PTAR1: variants seen among roughly 807,000 people sequenced by gnomAD.
The protein encoded by PTAR1 is protein prenyltransferase alpha subunit repeat containing 1.
Under a neutral mutation model 45.5 loss-of-function variants are expected in PTAR1, and 17 were observed. The ratio of observed to expected loss-of-function variants is 0.37; its 90% CI spans 0.26 to 0.56. PTAR1 has a LOEUF of 0.56. PTAR1 is among the 20% of genes least tolerant of loss of function. The pLI, the probability that PTAR1 is intolerant of heterozygous loss-of-function variation, is 0.77. For missense variants in PTAR1, 391 were observed against 476.3 expected (o/e 0.82, Z 1.67); for synonymous variants, 169 against 171.3 (o/e 0.99, Z 0.11).
At position 69,755,952 on chromosome 9, in the gene PTAR1, C is replaced by A. The variant is rs144780951; in HGVS notation, c.86+3901G>T. Among the ~76,000 whole-genome samples the A allele has an allele frequency of 4.7e-4, 72 of 152,124 alleles. 2 individuals carry two copies. In the East Asian group the frequency reaches 0.011, roughly 22 times the overall value. ...AATCTCATAAAGTAGGAATTTTGAC[C>A]CCATTTTACAGAGGAAGAGTCTTGT... On this transcript the variant is annotated intron_variant, in intron 1 of 7. Coordinates refer to ENST00000340434, the MANE Select transcript of PTAR1 (RefSeq NM_001099666.2).
At position 69,710,988 on chromosome 9, in the gene PTAR1, T is replaced by C. The variant is rs1588432479; in HGVS notation, c.*7354A>G. 2 of 152,114 alleles carry C rather than the reference T, an allele frequency of 1.3e-5. No homozygotes were observed. The highest frequency in any genetic ancestry group is 1.5e-5 in the Non-Finnish European group (1 of 68,024). 9.4% of individuals were successfully genotyped at this position (152,114 alleles called of 1,614,324 possible). A position where few individuals can be genotyped will look rare whatever the true frequency, so the allele number is the denominator to read the frequency against. Reference sequence around the variant, plus strand: ...CTTCTTTTAAATGAAAGCTCCTCCATGTTAAATTATGCAATTGACTAGTGT... The same window carrying C: ...CTTCTTTTAAATGAAAGCTCCTCCACGTTAAATTATGCAATTGACTAGTGT... On this transcript the variant is annotated 3_prime_UTR_variant, in exon 8 of 8. Transcript: ENST00000340434.
At chr9:69,728,714 A>G (rs1814045297) in intron 5 of PTAR1, among the ~76,000 whole-genome samples, 1 of 152,176 alleles carries the variant, frequency 6.6e-6, no homozygotes, top group African/African-American at 2.4e-5. Flanking sequence ...TTCCTGCCAC[A>G]CTACCCTCAA....
At chr9:69,721,287 G>A (rs1301888703) in intron 6 of PTAR1, among the ~76,000 whole-genome samples, 2 of 152,120 alleles carry the variant, frequency 1.3e-5, no homozygotes, top group Non-Finnish European at 2.9e-5. Flanking sequence ...CAAATGTGGT[G>A]GAAATTGCAA....
At chr9:69,720,588 C>A (rs1322820173) in intron 6 of PTAR1, among the ~76,000 whole-genome samples, 1 of 152,152 alleles carries the variant, frequency 6.6e-6, no homozygotes, top group Non-Finnish European at 1.5e-5. Context: ...AAGAGATTTG[C>A]AATGTAGATG....
At chr9:69,734,414 T>C in intron 3 of PTAR1, among the ~76,000 whole-genome samples, 160 bp from the exon 4 acceptor site, 1 of 152,000 alleles carries the variant, frequency 6.6e-6, no homozygotes, top group South Asian at 2.1e-4. Flanking sequence ...CTCTGGGATA[T>C]AAAACACTCA....
chr9:69,750,386 GT>G (rs1826469639), intron 2 of PTAR1, among the ~76,000 whole-genome samples: 2 of 151,904 alleles, frequency 1.3e-5, no homozygotes, highest in Non-Finnish European at 1.5e-5. Flanking sequence ...ATGAAAATGA[GT>G]TTTGCTGCCT....
intron 3 of PTAR1, among the ~76,000 whole-genome samples, chr9:69,740,620 C>A (rs76426243): frequency 6.7e-6 from 1 of 148,962 alleles, no homozygotes; most frequent in Non-Finnish European, 1.5e-5. Context: ...TATTATGTAC[C>A]GGCACTAGAG....
rs752964242 is a variant in PTAR1 at position 69,750,691 on chromosome 9, C to T, written c.256+90G>A. ...GAACAGAAGAAGCAGAACTAGAATC[C>T]AGGAATGCTGACACTCAGAGAAGGG... On this transcript the variant is annotated intron_variant, in intron 2 of 7. Transcript: ENST00000340434. The T allele has an allele frequency of 1.5e-4, 134 of 920,248 alleles. 2 individuals carry two copies. The highest frequency in any genetic ancestry group is 2.1e-4 in the Non-Finnish European group (130 of 632,414). The allele number at this position is 920,248 out of a possible 1,614,324, so 57.0% of individuals were successfully genotyped here. A position where few individuals can be genotyped will look rare whatever the true frequency, so the allele number is the denominator to read the frequency against.
chr9:69,723,554 C>T lies in PTAR1; in HGVS notation c.719G>A (p.Arg240His). Residue 240 changes from arginine to histidine, a missense_variant, in exon 6 of 8, where the codon CGC becomes CAC. Arg to His is a conservative substitution (Grantham distance 29). Coordinates refer to ENST00000340434, the MANE Select transcript of PTAR1 (RefSeq NM_001099666.2). ...HVSDHSGFHYRQFLLKSLISQ... is the reference protein window; with the variant it reads ...HVSDHSGFHYHQFLLKSLISQ... ...AATCAAAGACTTAAGCAAAAACTGG[C>T]GGTAGTGAAATCCACTGTGGTCTGA... 9 of 1,613,716 alleles carry T rather than the reference C, an allele frequency of 5.6e-6. No homozygotes were observed. Among genetic ancestry groups the T allele is most frequent in the Non-Finnish European group, 7.6e-6 (9 of 1,179,698 alleles).
rs1437177498 is a variant in PTAR1, at chr9:69,718,334, C to A, written c.*8G>T. The A allele has an allele frequency of 5.1e-6, 8 of 1,581,126 alleles. No homozygotes were observed. Among genetic ancestry groups the A allele is most frequent in the Non-Finnish European group, 6.9e-6 (8 of 1,160,500 alleles). On this transcript the variant is annotated 3_prime_UTR_variant, in exon 8 of 8. Transcript: ENST00000340434. ...AAAGGGGAACCTTGTAGGACTAATT[C>A]ACCTCTTTCATTGACTCAAAGTAAC... is the stretch of plus-strand genomic sequence containing the variant.
intron 1 of PTAR1, 96 bp downstream of exon 1, chr9:69,759,757 C>A: frequency 7.9e-7 from 1 of 1,261,822 alleles, no homozygotes; most frequent in South Asian, 1.5e-5. Context: ...GGGCCAGGAC[C>A]CGCTGTCCGC....
intron 5 of PTAR1, chr9:69,731,797 TAACCA>T (rs1825551456): frequency 4.1e-6 from 1 of 246,456 alleles, no homozygotes; most frequent in Non-Finnish European, 7.8e-6. Context: ...TATTGTCACA[TAACCA>T]AACACTACCA....
intron 1 of PTAR1, 43 bp from the exon 2 acceptor site, chr9:69,750,993 T>C: frequency 7.6e-7 from 1 of 1,318,620 alleles, no homozygotes; most frequent in Non-Finnish European, 1.0e-6. Flanking sequence ...ATAAGGATAC[T>C]AACCTTTTCA....
chr9:69,716,074 T>C lies in PTAR1; in HGVS notation c.*2268A>G, dbSNP rs970378897. On this transcript the variant is annotated 3_prime_UTR_variant, in exon 8 of 8. Transcript: ENST00000340434. ...ACTATAAAACTTAGCTAGTGTTTTA[T>C]AGGGTATTGTCTACACTCATTTCCT... The C allele has an allele frequency of 1.3e-5, 2 of 152,122 alleles. No homozygotes were observed. The highest frequency in any genetic ancestry group is 4.8e-5 in the African/African-American group (2 of 41,442). The allele number at this position is 152,122 out of a possible 1,614,324, so 9.4% of individuals were successfully genotyped here. A position where few individuals can be genotyped will look rare whatever the true frequency, so the allele number is the denominator to read the frequency against.
At chr9:69,731,834 A>G (rs940751928) in intron 5 of PTAR1, 11 of 354,776 alleles carry the variant, frequency 3.1e-5, no homozygotes, top group African/African-American at 2.1e-4. Flanking sequence ...TTCCAGTTCT[A>G]TAAGGCTTAA....
chr9:69,730,192 G>C (rs968897760), intron 5 of PTAR1, among the ~76,000 whole-genome samples: 1 of 152,054 alleles, frequency 6.6e-6, no homozygotes, highest in Non-Finnish European at 1.5e-5. Context: ...GTGAATGGAA[G>C]AATGGTAAGT....
At chr9:69,745,140 C>T (rs1283726770) in intron 2 of PTAR1, among the ~76,000 whole-genome samples, 1 of 152,204 alleles carries the variant, frequency 6.6e-6, no homozygotes. Flanking sequence ...CCATCACTGA[C>T]TGACAAAGAA....
intron 1 of PTAR1, chr9:69,758,551 T>G (rs891222016): frequency 5.0e-6 from 1 of 200,850 alleles, no homozygotes; most frequent in Non-Finnish European, 1.1e-5. Flanking sequence ...GCAGCAGTCA[T>G]AAGGGGGAGG....
At chr9:69,726,367 C>T (rs908196811) in intron 5 of PTAR1, among the ~76,000 whole-genome samples, 3 of 151,934 alleles carry the variant, frequency 2.0e-5, no homozygotes, top group African/African-American at 4.8e-5. Flanking sequence ...ATTTTTAACT[C>T]GTAAAATATT....
Sources: allele counts gnomAD v4.1 joint callset (sites outside exome capture counted in the v4.1 genomes callset), GRCh38; gene constraint gnomAD v4.1.1; transcripts MANE v1.5; gene names NCBI Gene and HGNC (gene_info 2026-07-23, HGNC 2026-07-21).